ZNF300: variants seen among roughly 807,000 people sequenced by gnomAD.
ZNF300 encodes the protein kruppel-like zinc finger protein.
In ZNF300, 6 loss-of-function variants were observed where a neutral mutation model predicts 13.9. That is an observed-to-expected ratio of 0.43 (90% CI 0.24 to 0.85). The LOEUF is 0.85. Among genes scored for constraint, ZNF300 ranks in the 40% least tolerant of loss-of-function variants. The pLI is 0.25. For missense variants in ZNF300, 662 were observed against 714.2 expected, an observed-to-expected ratio of 0.93 and a Z score of 0.83; for synonymous variants, 237 against 242.2, an observed-to-expected ratio of 0.98 and a Z score of 0.20.
At position 150,901,728 on chromosome 5, in the gene ZNF300, C is replaced by T. The variant is rs138225988; in HGVS notation, c.15+1413G>A. ...TTAAGCATGGTTTTTACTCAATTCTCACAACAACCCTATGGGGATTATAAT... is the reference window on the plus strand; with the variant it reads ...TTAAGCATGGTTTTTACTCAATTCTTACAACAACCCTATGGGGATTATAAT... On this transcript the variant is annotated intron_variant, in intron 3 of 5. Coordinates refer to ENST00000274599, the MANE Select transcript of ZNF300 (RefSeq NM_052860.4). 3.5e-3 allele frequency among the ~76,000 whole-genome samples: 526 copies of T among 152,108 alleles called. 3 individuals carry two copies. The highest frequency in any genetic ancestry group is 0.012 in the African/African-American group (497 of 41,510).
intron 2 of ZNF300, 65 bp from the exon 3 acceptor site, chr5:150,903,247 A>G: frequency 1.2e-6 from 2 of 1,612,320 alleles, no homozygotes; most frequent in Middle Eastern, 1.6e-4. Context: ...CAGCTTTCAC[A>G]TTCACCAATC....
intron 3 of ZNF300, among the ~76,000 whole-genome samples, chr5:150,900,161 A>G (rs1425579261): frequency 1.3e-5 from 2 of 152,148 alleles, no homozygotes; most frequent in African/African-American, 2.4e-5. Context: ...GAACTCTCTT[A>G]TCTGCAAGAT....
chr5:150,901,969 A>G (rs1174202262), intron 3 of ZNF300, among the ~76,000 whole-genome samples: 1 of 152,182 alleles, frequency 6.6e-6, no homozygotes, highest in African/African-American at 2.4e-5. Flanking sequence ...AAAGCGCAAG[A>G]AAATAAGAGA....
At position 150,896,788 on chromosome 5, in the gene ZNF300, C is replaced by T. The variant is rs1754803155; in HGVS notation, c.451G>A (p.Val151Ile). 6.2e-7 allele frequency: 1 copy of T among 1,613,742 alleles called. No individual in the cohort carries two copies. Among genetic ancestry groups the T allele is most frequent in the Admixed American group, 1.7e-5 (1 of 59,982 alleles). ...QDKLFRQVTF[V>I]NSKTVTEASG... ...GCCTCAGTCACTGTTTTGCTGTTAA[C>T]AAATGTGACCTGCCTGAAGAGTTTG... Residue 151 changes from valine to isoleucine, a missense_variant, in exon 6 of 6, where the codon GTT (valine) becomes ATT (isoleucine). Val to Ile is a conservative substitution (Grantham distance 29). Coordinates refer to ENST00000274599, the MANE Select transcript of ZNF300 (RefSeq NM_052860.4).
chr5:150,895,756 A>T lies in ZNF300; in HGVS notation c.1483T>A (p.Cys495Ser). The change falls in exon 6 of 6, where the codon TGT (cysteine) becomes AGT (serine). Residue 495 changes from cysteine to serine, a missense_variant. Coordinates refer to ENST00000274599, the MANE Select transcript of ZNF300 (RefSeq NM_052860.4). The part of the protein sequence containing the change: ...RTHTGEKPYK[C>S]SECGKAFCQK... ...CAGAAGGCTTTGCCACATTCACTAC[A>T]TTTATAGGGTTTTTCTCCAGTATGT... 6.2e-7 allele frequency: 1 copy of T among 1,613,648 alleles called. No homozygotes were observed. Among genetic ancestry groups the T allele is most frequent in the Admixed American group, 1.7e-5 (1 of 59,870 alleles).
In ZNF300 at chr5:150,896,155, A is replaced by C; in HGVS notation, c.1084T>G (p.Phe362Val). 1.2e-6 allele frequency: 2 copies of C among 1,613,398 alleles called. No homozygotes were observed. Among genetic ancestry groups the C allele is most frequent in the African/African-American group, 2.7e-5 (2 of 74,990 alleles). Reference protein sequence around the residue: ...PYECSECGKAFSQKSPLIIHQ... With the variant: ...PYECSECGKAVSQKSPLIIHQ... ...ATAATGAGGGGTGATTTCTGGGAGA[A>C]GGCTTTCCCGCATTCACTACATTCA... The change falls in exon 6 of 6, where the codon TTC becomes GTC. Residue 362 changes from phenylalanine (F) to valine (V), a missense_variant. Coordinates refer to ENST00000274599, the MANE Select transcript of ZNF300 (RefSeq NM_052860.4).
At chr5:150,902,268 C>T (rs1755018089) in intron 3 of ZNF300, among the ~76,000 whole-genome samples, 1 of 152,132 alleles carries the variant, frequency 6.6e-6, no homozygotes, top group African/African-American at 2.4e-5. Flanking sequence ...TCTGAAAGCA[C>T]AGCAAAAGAT....
At position 150,895,738 on chromosome 5, in the gene ZNF300, C is replaced by T. The variant is rs776078309; in HGVS notation, c.1501G>A (p.Ala501Thr). ...ATGAGATGTGACTTCTGGCAGAAGG[C>T]TTTGCCACATTCACTACATTTATAG... ...KPYKCSECGK[A>T]FCQKSHLIGH... Residue 501 changes from alanine to threonine, a missense_variant, in exon 6 of 6, where the codon GCC (alanine) becomes ACC (threonine). Transcript: ENST00000274599. 48 of 1,613,514 alleles carry T rather than the reference C, an allele frequency of 3.0e-5. No homozygotes were observed. The highest frequency in any genetic ancestry group is 3.8e-5 in the Non-Finnish European group (45 of 1,179,850).
chr5:150,898,590 C>G (rs372058437), intron 3 of ZNF300, 36 bp from the exon 4 acceptor site: 34 of 1,543,922 alleles, frequency 2.2e-5, no homozygotes, highest in Non-Finnish European at 7.9e-6. Flanking sequence ...CTGAAATGAT[C>G]ATTCTCATAA....
At position 150,896,588 on chromosome 5, in the gene ZNF300, T is replaced by A; in HGVS notation, c.651A>T (p.Gly217=). The change falls in exon 6 of 6, where the codon GGA becomes GGT. Residue 217 remains glycine, a synonymous_variant. Coordinates refer to ENST00000274599, the MANE Select transcript of ZNF300 (RefSeq NM_052860.4). Reference sequence around the variant, plus strand: ...CACTCTGGCTAGATGATTTTCCACCTCCAAAACTCTGATCAGGTTTTTTTC... The same window carrying A: ...CACTCTGGCTAGATGATTTTCCACCACCAAAACTCTGATCAGGTTTTTTTC... ...NSRKKPDQSF[G]GGKSSSQSEP... 6.2e-7 allele frequency: 1 copy of A among 1,613,704 alleles called. No individual in the cohort carries two copies. Among genetic ancestry groups the A allele is most frequent in the Non-Finnish European group, 8.5e-7 (1 of 1,179,812 alleles).
rs767325795 is a variant in ZNF300, at chr5:150,896,966, C to T, written c.273G>A (p.Lys91=). The change falls in exon 6 of 6, where the codon AAG becomes AAA. Residue 91 remains lysine (K), a synonymous_variant. Transcript: ENST00000274599. The part of the protein sequence containing the change: ...EYQADGRQDR[K]SNLHNSQSCI... ...ATGACTGGGAGTTGTGAAGGTTACT[C>T]TTCCTGTCTAAAAGAAGAAAAGATA... is the stretch of plus-strand genomic sequence containing the variant. 9 of 1,605,726 alleles carry T rather than the reference C, an allele frequency of 5.6e-6. No individual in the cohort carries two copies. The highest frequency in any genetic ancestry group is 7.6e-6 in the Non-Finnish European group (9 of 1,176,638).
rs1754720437 is a variant in ZNF300, at chr5:150,895,438, CT to C, written c.1800del (p.Val601TrpfsTer2). 1 of 1,601,428 alleles carries C rather than the reference CT, an allele frequency of 6.2e-7. No homozygotes were observed. Among genetic ancestry groups the C allele is most frequent in the African/African-American group, 1.3e-5 (1 of 74,560 alleles). Reference sequence around the variant, plus strand: ...TGGCCAGTTCATTATGATTTTACCACTGTGTGAATTCTCTGGTGTACAGTTA... The same window carrying C: ...TGGCCAGTTCATTATGATTTTACCACGTGTGAATTCTCTGGTGTACAGTTA... ...SQLTVHQRIH[T>X]VVKS On this transcript the variant is annotated frameshift_variant, in exon 6 of 6. Transcript: ENST00000274599. LOFTEE classifies it high-confidence loss of function.
At chr5:150,901,993 T>C (rs1755010108) in intron 3 of ZNF300, among the ~76,000 whole-genome samples, 1 of 152,156 alleles carries the variant, frequency 6.6e-6, no homozygotes, top group Admixed American at 6.5e-5. Context: ...TCTCACACAT[T>C]TGTACTTCTA....
intron 5 of ZNF300, chr5:150,897,712 TA>T: frequency 3.8e-6 from 1 of 260,652 alleles, no homozygotes; most frequent in Non-Finnish European, 7.2e-6. Context: ...TTTAGACTCT[TA>T]ATTTTCTCTG....
chr5:150,903,714 T>C (rs908453191), intron 2 of ZNF300, 150 bp downstream of exon 2: 8 of 257,012 alleles, frequency 3.1e-5, no homozygotes, highest in Non-Finnish European at 6.0e-5. Flanking sequence ...TAAATCAATG[T>C]GCATGAACTC....
chr5:150,897,327 T>C (rs1754830544), intron 5 of ZNF300: 1 of 180,974 alleles, frequency 5.5e-6, no homozygotes, highest in Non-Finnish European at 1.1e-5. Flanking sequence ...ATTCTTATTA[T>C]CCTACCATCA....
Position 150,896,084 on chromosome 5 carries a change from C to A in ZNF300, c.1155G>T (p.Glu385Asp). The A allele has an allele frequency of 6.2e-7, 1 of 1,613,242 alleles. No homozygotes were observed. Among genetic ancestry groups the A allele is most frequent in the Middle Eastern group, 1.7e-4 (1 of 6,046 alleles). The change falls in exon 6 of 6, where the codon GAG (glutamate) becomes GAT (aspartate). Residue 385 changes from glutamate to aspartate, a missense_variant. Transcript: ENST00000274599. ...HTGEKPYECR[E>D]CGKAFSQKSQ... ...ACTTCTGGGAAAAGGCCTTCCCACA[C>A]TCTCTACATTCATAGGGTTTTTCCC...
At chr5:150,898,617 C>T (rs80187235) in intron 3 of ZNF300, 63 bp from the exon 4 acceptor site, 68,063 of 1,496,738 alleles carry the variant, frequency 0.045, 1,972 homozygotes, top group East Asian at 0.15. Flanking sequence ...CTATAATGTG[C>T]ACAACTACAT....
rs1430953572 is a variant in ZNF300, at chr5:150,895,876, G to A, written c.1363C>T (p.His455Tyr). 2 of 1,613,620 alleles carry A rather than the reference G, an allele frequency of 1.2e-6. No homozygotes were observed. Among genetic ancestry groups the A allele is most frequent in the Admixed American group, 1.7e-5 (1 of 59,848 alleles). Residue 455 changes from histidine to tyrosine, a missense_variant, in exon 6 of 6, where the codon CAT becomes TAT. Transcript: ENST00000274599. ...TTTTCCCCAGTATGAACTAACTGAT[G>A]TGTAATGAGTTCTGTCTTCCTGCTG... Reference protein sequence around the residue: ...AFSRKTELITHQLVHTGEKPY... With the variant: ...AFSRKTELITYQLVHTGEKPY...
Sources: allele counts gnomAD v4.1 joint callset (sites outside exome capture counted in the v4.1 genomes callset), GRCh38; gene constraint gnomAD v4.1.1; transcripts MANE v1.5; gene names NCBI Gene and HGNC (gene_info 2026-07-23, HGNC 2026-07-21).